Variants in COL23A1 observed in about 807,000 individuals in gnomAD.
COL23A1 encodes the protein collagen alpha-1(XXIII) chain.
In COL23A1, 97 loss-of-function variants were observed where a neutral mutation model predicts 99.3. The observed-to-expected ratio is 0.98, with a 90% CI of 0.83 to 1.16. COL23A1 has a LOEUF of 1.16. Among genes scored for constraint, COL23A1 ranks in the 50% most tolerant of loss-of-function variants. The pLI is 0.00. For missense variants in COL23A1, 762 were observed against 757.4 expected, an observed-to-expected ratio of 1.01 and a Z score of -0.07; for synonymous variants, 320 against 308.2, an observed-to-expected ratio of 1.04 and a Z score of -0.40.
chr5:178,349,394 C>T (rs1048706404), intron 2 of COL23A1, among the ~76,000 whole-genome samples: 3 of 152,102 alleles, frequency 2.0e-5, no homozygotes, highest in Non-Finnish European at 2.9e-5. Context: ...GTTGATAACC[C>T]GGGTGATGCT....
At position 178,290,276 on chromosome 5, in the gene COL23A1, C is replaced by T. The variant is rs935800648; in HGVS notation, c.414+86G>A. On this transcript the variant is annotated intron_variant, in intron 4 of 28. Transcript: ENST00000390654. ...GTTTTCTGAGGACACACCTCCCTAA[C>T]CAAAATTATGTTCATGGAATTGCAA... is the stretch of plus-strand genomic sequence containing the variant. 118 of 1,601,798 alleles carry T rather than the reference C, an allele frequency of 7.4e-5. 1 individual carries two copies. The South Asian group carries it at 1.2e-3, about 16-fold the overall frequency.
intron 1 of COL23A1, among the ~76,000 whole-genome samples, chr5:178,567,605 T>C (rs1762899281): frequency 6.6e-6 from 1 of 152,156 alleles, no homozygotes; most frequent in South Asian, 2.1e-4. Flanking sequence ...TAGCCAGGCA[T>C]GTTGGATCAG....
At chr5:178,451,097 C>G (rs1177704304) in intron 2 of COL23A1, among the ~76,000 whole-genome samples, 1 of 152,158 alleles carries the variant, frequency 6.6e-6, no homozygotes, top group Non-Finnish European at 1.5e-5. Flanking sequence ...ACTTTGTTTT[C>G]AAAGCAAGCT....
intron 2 of COL23A1, among the ~76,000 whole-genome samples, chr5:178,337,483 G>A (rs964436894): frequency 1.3e-5 from 2 of 152,214 alleles, no homozygotes; most frequent in African/African-American, 2.4e-5. Flanking sequence ...TCCAGAAACT[G>A]GGCTGACTGC....
intron 22 of COL23A1, among the ~76,000 whole-genome samples, chr5:178,246,759 C>T (rs762820121): frequency 2.6e-5 from 4 of 151,976 alleles, no homozygotes; most frequent in Admixed American, 6.5e-5. Context: ...AGCCACACAG[C>T]GGGAGGCAGC....
At chr5:178,282,650 C>T (rs1756959991) in intron 5 of COL23A1, among the ~76,000 whole-genome samples, 1 of 152,204 alleles carries the variant, frequency 6.6e-6, no homozygotes, top group South Asian at 2.1e-4. Flanking sequence ...TCTCATCTGT[C>T]AGGTAGGGTT....
chr5:178,256,382 G>C lies in COL23A1; in HGVS notation c.853C>G (p.Arg285Gly). The C allele has an allele frequency of 6.2e-7, 1 of 1,606,584 alleles. No individual in the cohort carries two copies. Among genetic ancestry groups the C allele is most frequent in the East Asian group, 2.2e-5 (1 of 44,754 alleles). ...GGCCCTGCAGCTCCATCCGTGCCTC[G>C]GTGGCCAGGCTCCCCCTGTGGAGAC... ...APGPKGEPGH[R>G]GTDGAAGPRG... The change falls in exon 15 of 29, where the codon CGA (arginine) becomes GGA (glycine). Residue 285 changes from arginine (R) to glycine (G), a missense_variant. Transcript: ENST00000390654.
chr5:178,509,432 G>T (rs909875616), intron 2 of COL23A1, among the ~76,000 whole-genome samples: 1 of 151,826 alleles, frequency 6.6e-6, no homozygotes, highest in Non-Finnish European at 1.5e-5. Flanking sequence ...CATCTTGGCC[G>T]GGCTGGTTTT....
Position 178,439,668 on chromosome 5 carries a change from G to T in COL23A1, c.361+121014C>A, listed in dbSNP as rs775515029. 5 of 152,184 alleles carry T rather than the reference G, an allele frequency of 3.3e-5. No individual in the cohort carries two copies. The highest frequency in any genetic ancestry group is 3.3e-4 in the Admixed American group (5 of 15,264). 9.4% of individuals were successfully genotyped at this position (152,184 alleles called of 1,614,324 possible). A position where few individuals can be genotyped will look rare whatever the true frequency, so the allele number is the denominator to read the frequency against. ...CAGTTTCTTAAAGAGTTAAACATACGTTCACCATGCAGTGCAGCAACTCCG... is the reference window on the plus strand; with the variant it reads ...CAGTTTCTTAAAGAGTTAAACATACTTTCACCATGCAGTGCAGCAACTCCG... On this transcript the variant is annotated intron_variant, in intron 2 of 28. Coordinates refer to ENST00000390654, the MANE Select transcript of COL23A1 (RefSeq NM_173465.4). The surrounding 1 kb of genome is among the most constrained non-coding windows in gnomAD (Gnocchi z 4.2).
intron 2 of COL23A1, among the ~76,000 whole-genome samples, chr5:178,405,909 C>T (rs1764739432): frequency 6.6e-6 from 1 of 152,146 alleles, no homozygotes; most frequent in Non-Finnish European, 1.5e-5. Flanking sequence ...TAGAGATCAG[C>T]CTGGACAACA....
chr5:178,384,823 G>A lies in COL23A1; in HGVS notation c.362-77904C>T, dbSNP rs1488501648. Among the ~76,000 whole-genome samples the A allele has an allele frequency of 2.6e-5, 4 of 152,242 alleles. No individual in the cohort carries two copies. The highest frequency in any genetic ancestry group is 2.6e-4 in the Admixed American group (4 of 15,288). The stretch of plus-strand genomic sequence containing the variant: ...TGGAGTCCCCCTGAGGGAAATGGCT[G>A]TGCCTTTTCCTAAAGCATTAAAAGG... On this transcript the variant is annotated intron_variant, in intron 2 of 28. Transcript: ENST00000390654. This position sits in a 1 kb window ranked among gnomAD's most constrained non-coding sequence, Gnocchi z 5.5.
At chr5:178,488,141 T>G (rs748819288) in intron 2 of COL23A1, among the ~76,000 whole-genome samples, 18 of 152,182 alleles carry the variant, frequency 1.2e-4, no homozygotes, top group Non-Finnish European at 2.4e-4. Context: ...CACTCCTCAT[T>G]AGAAGGGACA....
At chr5:178,248,861 C>T (rs977592482) in intron 19 of COL23A1, among the ~76,000 whole-genome samples, 5 of 152,192 alleles carry the variant, frequency 3.3e-5, no homozygotes, top group African/African-American at 4.8e-5. Context: ...CTGGCCAACG[C>T]GCTCCCATGG....
chr5:178,549,238 C>A (rs182035965), intron 2 of COL23A1, among the ~76,000 whole-genome samples: 1 of 152,108 alleles, frequency 6.6e-6, no homozygotes, highest in East Asian at 1.9e-4. Context: ...AGGTTATCCA[C>A]CCGCCTCGGC....
In COL23A1 at chr5:178,425,436, A is replaced by C. The variant is rs113556885; in HGVS notation, c.362-118517T>G. On this transcript the variant is annotated intron_variant, in intron 2 of 28. Transcript: ENST00000390654. ...GACTCCATCTCAAAATAAATAAATAAATAAATAAATAAATAAATAAATAAA... is the reference window on the plus strand; with the variant it reads ...GACTCCATCTCAAAATAAATAAATACATAAATAAATAAATAAATAAATAAA... Among the ~76,000 whole-genome samples, 12 of 132,236 alleles carry C rather than the reference A, an allele frequency of 9.1e-5. No homozygotes were observed. In the East Asian group the frequency reaches 3.0e-3, roughly 33 times the overall value. 86.8% of individuals were successfully genotyped at this position (132,236 alleles called of 152,430 possible). A position where few individuals can be genotyped will look rare whatever the true frequency, so the allele number is the denominator to read the frequency against.
intron 2 of COL23A1, among the ~76,000 whole-genome samples, chr5:178,342,060 G>C (rs940628750): frequency 1.2e-4 from 19 of 152,176 alleles, no homozygotes; most frequent in African/African-American, 4.1e-4. Flanking sequence ...CCATGGCAGG[G>C]GGACCGCTGT....
intron 2 of COL23A1, among the ~76,000 whole-genome samples, chr5:178,377,700 G>A (rs373803089): frequency 2.0e-5 from 3 of 152,186 alleles, no homozygotes; most frequent in South Asian, 2.1e-4. Context: ...GTGGACAAGC[G>A]CGCGAGTCAC....
At chr5:178,485,638 G>A (rs1394611025) in intron 2 of COL23A1, among the ~76,000 whole-genome samples, 1 of 152,074 alleles carries the variant, frequency 6.6e-6, no homozygotes, top group Non-Finnish European at 1.5e-5. Flanking sequence ...AAGTTAGCCA[G>A]GTGTGTTGGC....
chr5:178,358,701 GTA>G (rs1167683886), intron 2 of COL23A1, among the ~76,000 whole-genome samples: 13 of 147,606 alleles, frequency 8.8e-5, no homozygotes, highest in South Asian at 4.5e-4. Context: ...GTATGTATGT[GTA>G]TGTGTGTATG....
Sources: gnomAD v4.1 joint callset for allele counts (sites outside exome capture counted in the v4.1 genomes callset) on GRCh38, gnomAD v4.1.1 for gene constraint, Gnocchi (gnomAD v3.1) non-coding constraint, MANE v1.5 for transcripts, NCBI Gene and HGNC (gene_info 2026-07-23, HGNC 2026-07-21) for gene names.